The following DRAM1 variants were observed in gnomAD, a reference collection of about 807,000 sequenced individuals.
DRAM1 encodes DNA damage regulated autophagy modulator 1.
In DRAM1, 25 loss-of-function variants were observed where a neutral mutation model predicts 28.5. The observed-to-expected ratio is 0.88, with a 90% CI of 0.64 to 1.23. The LOEUF is 1.23. DRAM1 is among the 50% of genes most tolerant of loss of function. The pLI, the probability that DRAM1 is intolerant of heterozygous loss-of-function variation, is 0.00. For missense variants in DRAM1, 249 were observed against 299.2 expected (o/e 0.83, Z 1.24); for synonymous variants, 113 against 114.2 (o/e 0.99, Z 0.07).
chr12:101,887,263 G>A (rs1309461367), intron 1 of DRAM1, among the ~76,000 whole-genome samples: 3 of 152,072 alleles, frequency 2.0e-5, no homozygotes, highest in African/African-American at 4.8e-5. Flanking sequence ...TTAGGAAACT[G>A]GTATAAGGAA....
chr12:101,906,854 CAAA>C (rs751751554), intron 3 of DRAM1, among the ~76,000 whole-genome samples: 1 of 67,478 alleles, frequency 1.5e-5, no homozygotes, highest in Non-Finnish European at 3.0e-5. Flanking sequence ...GACTCTGCCT[CAAA>C]AAAAAAAAAA....
intron 4 of DRAM1, 104 bp from the exon 5 acceptor site, chr12:101,914,070 A>C: frequency 1.6e-6 from 1 of 621,728 alleles, no homozygotes; most frequent in African/African-American, 1.9e-5. Context: ...TGGTATTAAC[A>C]TTTTAACACC....
intron 1 of DRAM1, 152 bp downstream of exon 1, chr12:101,878,072 T>C: frequency 8.6e-7 from 1 of 1,157,520 alleles, no homozygotes; most frequent in African/African-American, 1.6e-5. Flanking sequence ...CCCGATAGCC[T>C]GGGATGTTTA....
intron 1 of DRAM1, among the ~76,000 whole-genome samples, chr12:101,894,628 T>A (rs904924447): frequency 6.6e-6 from 1 of 152,136 alleles, no homozygotes; most frequent in African/African-American, 2.4e-5. Flanking sequence ...TCAGATCACG[T>A]GTTTGATGTC....
chr12:101,896,270 C>G (rs1873370005), intron 1 of DRAM1, among the ~76,000 whole-genome samples: 1 of 152,226 alleles, frequency 6.6e-6, no homozygotes, highest in Non-Finnish European at 1.5e-5. Flanking sequence ...ACACAGGCTC[C>G]TTGTGGAATT....
At chr12:101,885,469 A>G (rs1872851224) in intron 1 of DRAM1, among the ~76,000 whole-genome samples, 1 of 150,458 alleles carries the variant, frequency 6.6e-6, no homozygotes, top group Non-Finnish European at 1.5e-5. Context: ...TTGAAGGGGG[A>G]TAGGAAGAGG....
At chr12:101,908,079 T>G in intron 3 of DRAM1, 107 bp from the exon 4 acceptor site, 1 of 886,478 alleles carries the variant, frequency 1.1e-6, no homozygotes. Flanking sequence ...CAAGAAGTGG[T>G]GCATCTGTGA....
intron 1 of DRAM1, among the ~76,000 whole-genome samples, chr12:101,887,671 C>T (rs1872938935): frequency 6.6e-6 from 1 of 151,952 alleles, no homozygotes; most frequent in African/African-American, 2.4e-5. Flanking sequence ...GCTGGGACTA[C>T]AGGCACGTGC....
chr12:101,877,717 T>A lies in DRAM1; in HGVS notation c.-73T>A. The A allele has an allele frequency of 8.1e-7, 1 of 1,227,486 alleles. No homozygotes were observed. The highest frequency in any genetic ancestry group is 3.4e-5 in the East Asian group (1 of 29,056). 76.0% of individuals were successfully genotyped at this position (1,227,486 alleles called of 1,614,324 possible). A position where few individuals can be genotyped will look rare whatever the true frequency, so the allele number is the denominator to read the frequency against. ...TGAGTGTACGCGCCCGGCCGCCGCC[T>A]CCAGGCAGCCCGGAGCAACCCGGCG... On this transcript the variant is annotated 5_prime_UTR_variant, in exon 1 of 7. Coordinates refer to ENST00000258534, the MANE Select transcript of DRAM1 (RefSeq NM_018370.3). This position sits in a 1 kb window ranked among gnomAD's most constrained non-coding sequence, Gnocchi z 4.1.
chr12:101,901,868 C>A (rs1191086497), intron 3 of DRAM1, among the ~76,000 whole-genome samples: 519 of 114,010 alleles, frequency 4.6e-3, no homozygotes, highest in African/African-American at 5.2e-3. Context: ...GACTCTATCT[C>A]AAAAAAAAAA....
chr12:101,881,079 A>G (rs963883862), intron 1 of DRAM1, among the ~76,000 whole-genome samples: 2 of 152,168 alleles, frequency 1.3e-5, no homozygotes, highest in Non-Finnish European at 2.9e-5. Flanking sequence ...GTGGATAAGA[A>G]CCACACATAG....
chr12:101,877,711 G>A lies in DRAM1; in HGVS notation c.-79G>A. 1 of 1,178,568 alleles carries A rather than the reference G, an allele frequency of 8.5e-7. No homozygotes were observed. Among genetic ancestry groups the A allele is most frequent in the Non-Finnish European group, 1.1e-6 (1 of 937,100 alleles). The allele number at this position is 1,178,568 out of a possible 1,614,324, so 73.0% of individuals were successfully genotyped here. On this transcript the variant is annotated 5_prime_UTR_variant, in exon 1 of 7. Coordinates refer to ENST00000258534, the MANE Select transcript of DRAM1 (RefSeq NM_018370.3). The surrounding 1 kb of genome is among the most constrained non-coding windows in gnomAD (Gnocchi z 4.1). ...CGTCCGTGAGTGTACGCGCCCGGCCGCCGCCTCCAGGCAGCCCGGAGCAAC... is the reference window on the plus strand; with the variant it reads ...CGTCCGTGAGTGTACGCGCCCGGCCACCGCCTCCAGGCAGCCCGGAGCAAC...
At chr12:101,895,068 C>T (rs1435961436) in intron 1 of DRAM1, among the ~76,000 whole-genome samples, 1 of 152,100 alleles carries the variant, frequency 6.6e-6, no homozygotes, top group Non-Finnish European at 1.5e-5. Flanking sequence ...GTTCCCATTC[C>T]TGTCTCTCTG....
intron 3 of DRAM1, among the ~76,000 whole-genome samples, chr12:101,904,426 GGTTTTTTTTTTTTTTTTTTTTT>G (rs1873722181): frequency 5.1e-5 from 2 of 39,148 alleles, no homozygotes; most frequent in African/African-American, 2.0e-4. Context: ...GAGCTTTAGG[GGTTTTTTTTTTTTTTTTTTTTT>G]TTTTTTTTTT....
intron 1 of DRAM1, among the ~76,000 whole-genome samples, chr12:101,888,786 ATTTTTTTTTTTT>A (rs34825466): frequency 1.7e-4 from 18 of 107,982 alleles, no homozygotes; most frequent in East Asian, 4.9e-4. Flanking sequence ...AAACATCTCA[ATTTTTTTTTTTT>A]TTTTTTTTTT....
chr12:101,914,534 A>G (rs113231089), intron 5 of DRAM1, among the ~76,000 whole-genome samples: 6,753 of 148,910 alleles, frequency 0.045, 529 homozygotes, highest in African/African-American at 0.16. Context: ...CCAGGCTGGA[A>G]TGCAGTGGTG....
In DRAM1 at chr12:101,901,325, AC is replaced by A; in HGVS notation, c.235del (p.Gln79ArgfsTer19). On this transcript the variant is annotated frameshift_variant, in exon 3 of 7. Transcript: ENST00000258534. LOFTEE classifies it high-confidence loss of function. The stretch of plus-strand genomic sequence containing the variant: ...CGATGTATACAAGATACAAAATAGT[AC>A]AGAAGCAAAATCAAACCTGCTATTT... ...ATMYTRYKIV[Q>X]KQNQTCYFST... The A allele has an allele frequency of 6.2e-7, 1 of 1,614,218 alleles. No homozygotes were observed. The highest frequency in any genetic ancestry group is 8.5e-7 in the Non-Finnish European group (1 of 1,180,028).
chr12:101,901,814 G>T (rs1873614252), intron 3 of DRAM1, among the ~76,000 whole-genome samples: 2 of 149,108 alleles, frequency 1.3e-5, no homozygotes, highest in African/African-American at 5.0e-5. Flanking sequence ...GGAAGGTGGA[G>T]GTTGCAGTGA....
At chr12:101,885,277 A>T (rs1005583432) in intron 1 of DRAM1, among the ~76,000 whole-genome samples, 1 of 152,162 alleles carries the variant, frequency 6.6e-6, no homozygotes, top group Non-Finnish European at 1.5e-5. Flanking sequence ...TTCACATTTA[A>T]CTTTAAAGAA....
Sources: allele counts gnomAD v4.1 joint callset (sites outside exome capture counted in the v4.1 genomes callset), GRCh38; gene constraint gnomAD v4.1.1; non-coding constraint Gnocchi (gnomAD v3.1); transcripts MANE v1.5; gene names NCBI Gene and HGNC (gene_info 2026-07-23, HGNC 2026-07-21).